Variants in RGS7 observed in about 807,000 individuals in gnomAD.
The protein encoded by RGS7 is regulator of G-protein signaling 7.
In RGS7, 27 loss-of-function variants were observed where a neutral mutation model predicts 81.1. That is an observed-to-expected ratio of 0.33 (90% CI 0.25 to 0.46). The LOEUF (loss-of-function observed/expected upper bound fraction) is 0.46, where lower values mean the gene tolerates loss of function less well. Among genes scored for constraint, RGS7 ranks in the 20% least tolerant of loss-of-function variants. The pLI, the probability that RGS7 is intolerant of heterozygous loss-of-function variation, is 1.00. For synonymous variants in RGS7, 208 were observed against 207.7 expected, an observed-to-expected ratio of 1.00 and a Z score of -0.01; for missense variants, 396 against 607.4, an observed-to-expected ratio of 0.65 and a Z score of 3.66.
At chr1:240,895,937 T>C (rs183272173) in intron 6 of RGS7, among the ~76,000 whole-genome samples, 71 of 152,306 alleles carry the variant, frequency 4.7e-4, no homozygotes, top group Non-Finnish European at 4.1e-4. Flanking sequence ...CTCCACATCC[T>C]CTCCAGCAAC....
intron 2 of RGS7, among the ~76,000 whole-genome samples, chr1:241,219,559 G>T (rs1005806806): frequency 6.6e-6 from 1 of 152,104 alleles, no homozygotes; most frequent in Non-Finnish European, 1.5e-5. Context: ...AGTCTGAGAT[G>T]GTCAGAGTTA....
intron 2 of RGS7, among the ~76,000 whole-genome samples, chr1:241,302,319 G>A (rs1286964033): frequency 1.3e-5 from 2 of 152,168 alleles, no homozygotes; most frequent in Non-Finnish European, 2.9e-5. Flanking sequence ...GGAGGCCGAG[G>A]TGGGTGGATC....
intron 3 of RGS7, among the ~76,000 whole-genome samples, chr1:240,989,426 C>T (rs1330680929): frequency 2.6e-5 from 4 of 151,458 alleles, no homozygotes; most frequent in Non-Finnish European, 4.4e-5. Flanking sequence ...CAGAGTGAGA[C>T]ACTGTCTCAA....
intron 4 of RGS7, among the ~76,000 whole-genome samples, chr1:240,950,035 A>C (rs1270333032): frequency 6.6e-6 from 1 of 152,188 alleles, no homozygotes; most frequent in Non-Finnish European, 1.5e-5. Flanking sequence ...ATCTGCATAG[A>C]CAGGCTCATC....
intron 2 of RGS7, among the ~76,000 whole-genome samples, chr1:241,226,249 C>T (rs1322596849): frequency 6.6e-6 from 1 of 152,118 alleles, no homozygotes; most frequent in Non-Finnish European, 1.5e-5. Context: ...AAAATGTCCG[C>T]GGGAATATTA....
At chr1:241,041,741 C>T (rs2060629520) in intron 3 of RGS7, among the ~76,000 whole-genome samples, 1 of 152,138 alleles carries the variant, frequency 6.6e-6, no homozygotes, top group Admixed American at 6.6e-5. Context: ...ACTCAAGTTA[C>T]CCATTACATT....
At chr1:240,837,764 T>C (rs1694953706) in intron 9 of RGS7, among the ~76,000 whole-genome samples, 1 of 152,216 alleles carries the variant, frequency 6.6e-6, no homozygotes, top group South Asian at 2.1e-4. Flanking sequence ...TTTATTTTTT[T>C]ACACAGTGCT....
chr1:241,133,634 C>T (rs961801767), intron 2 of RGS7, among the ~76,000 whole-genome samples: 2 of 152,000 alleles, frequency 1.3e-5, no homozygotes, highest in Admixed American at 1.3e-4. Flanking sequence ...ATAGTGTGAA[C>T]CAAAGATTAT....
Position 241,252,471 on chromosome 1 carries a change from C to T in RGS7, c.78+103228G>A, listed in dbSNP as rs187802756. Among the ~76,000 whole-genome samples the T allele has an allele frequency of 1.1e-3, 161 of 152,326 alleles. 1 individual carries two copies. The highest frequency in any genetic ancestry group is 3.4e-3 in the Middle Eastern group (1 of 294). On this transcript the variant is annotated intron_variant, in intron 2 of 18. Coordinates refer to ENST00000440928, the MANE Select transcript of RGS7 (RefSeq NM_001364886.1). ...CCCCTGAGCTGACACCCTCCCACAC[C>T]CTGCAACAAATACATGTGGTTTTCT...
intron 2 of RGS7, among the ~76,000 whole-genome samples, chr1:241,227,568 A>G (rs1338919441): frequency 1.6e-5 from 2 of 125,522 alleles, no homozygotes; most frequent in East Asian, 5.4e-4. Flanking sequence ...CTCTGTCTCT[A>G]CCAAAAAAAA....
chr1:240,789,042 G>C (rs568751485), intron 18 of RGS7, among the ~76,000 whole-genome samples: 31 of 152,244 alleles, frequency 2.0e-4, no homozygotes, highest in Admixed American at 1.4e-3. Context: ...CTGAATGGAG[G>C]GACCGGCTGA....
chr1:240,956,490 T>C (rs1370700379), intron 4 of RGS7, among the ~76,000 whole-genome samples: 2 of 152,114 alleles, frequency 1.3e-5, no homozygotes, highest in Non-Finnish European at 2.9e-5. Flanking sequence ...TTTACGTAGA[T>C]ACTTTAGCCT....
chr1:241,205,278 C>CACCATGTT (rs1192048341), intron 2 of RGS7, among the ~76,000 whole-genome samples: 1 of 149,710 alleles, frequency 6.7e-6, no homozygotes, highest in African/African-American at 2.5e-5. Flanking sequence ...GACGGGGTTT[C>CACCATGTT]ACCATGTTGG....
intron 2 of RGS7, among the ~76,000 whole-genome samples, chr1:241,321,593 C>T (rs1017955928): frequency 1.3e-5 from 2 of 152,104 alleles, no homozygotes; most frequent in African/African-American, 2.4e-5. Flanking sequence ...CCATAGAACA[C>T]TATCATTTGT....
intron 6 of RGS7, among the ~76,000 whole-genome samples, chr1:240,930,222 C>CTTTTTTTTTTT (rs10676730): frequency 4.4e-5 from 5 of 113,884 alleles, no homozygotes; most frequent in African/African-American, 6.9e-5. Context: ...TCTTTTTTAG[C>CTTTTTTTTTTT]TTTTTTTTTT....
At chr1:241,311,718 C>T (rs2080544980) in intron 2 of RGS7, among the ~76,000 whole-genome samples, 1 of 152,200 alleles carries the variant, frequency 6.6e-6, no homozygotes, top group African/African-American at 2.4e-5. Context: ...ACGAAATTCA[C>T]ATTGCATGAG....
intron 2 of RGS7, among the ~76,000 whole-genome samples, chr1:241,123,673 C>T (rs1572787349): frequency 6.6e-6 from 1 of 152,182 alleles, no homozygotes; most frequent in African/African-American, 2.4e-5. Context: ...ATCACTTGAA[C>T]CCGGGAGGCG....
chr1:240,839,304 C>T (rs1228608531), intron 9 of RGS7, among the ~76,000 whole-genome samples: 2 of 152,162 alleles, frequency 1.3e-5, no homozygotes, highest in Admixed American at 6.5e-5. Flanking sequence ...CACAGGGTCT[C>T]ACATTTTAGC....
chr1:241,042,679 C>T (rs866435531), intron 3 of RGS7, among the ~76,000 whole-genome samples: 7 of 151,684 alleles, frequency 4.6e-5, no homozygotes, highest in Middle Eastern at 3.2e-3. Context: ...GTGGCTCACA[C>T]CTGTAATCCC....
Sources: gnomAD v4.1 joint callset for allele counts (sites outside exome capture counted in the v4.1 genomes callset) on GRCh38, gnomAD v4.1.1 for gene constraint, MANE v1.5 for transcripts, NCBI Gene and HGNC (gene_info 2026-07-23, HGNC 2026-07-21) for gene names.